Variants in CLEC16A observed in about 807,000 individuals in gnomAD.
CLEC16A encodes protein CLEC16A.
In CLEC16A, 51 loss-of-function variants were observed where a neutral mutation model predicts 109.5. The observed-to-expected ratio is 0.47, with a 90% CI of 0.37 to 0.59. CLEC16A has a LOEUF of 0.59. CLEC16A is among the 20% of genes least tolerant of loss of function. CLEC16A has a pLI of 0.00. For missense variants in CLEC16A, 1,339 were observed against 1,394.0 expected (o/e 0.96, Z 0.63); for synonymous variants, 673 against 564.2 (o/e 1.19, Z -2.73).
chr16:11,126,430 G>A (rs1396869009), intron 22 of CLEC16A: 42 of 1,395,540 alleles, frequency 3.0e-5, no homozygotes, highest in Non-Finnish European at 3.9e-5. Flanking sequence ...AAATTTCTTG[G>A]AAACATTTAA....
intron 22 of CLEC16A, among the ~76,000 whole-genome samples, chr16:11,128,674 G>A (rs531506319): frequency 2.0e-5 from 3 of 152,300 alleles, no homozygotes; most frequent in Non-Finnish European, 4.4e-5. Flanking sequence ...AAATCCCTGA[G>A]CCTTGGCATG....
At chr16:10,964,490 A>G (rs1473768998) in intron 3 of CLEC16A, among the ~76,000 whole-genome samples, 4 of 152,174 alleles carry the variant, frequency 2.6e-5, no homozygotes. Context: ...TCAAGAGGAG[A>G]GCACAGTGGC....
In CLEC16A at chr16:11,061,015, G is replaced by C; in HGVS notation, c.2109G>C (p.Leu703=). 1 of 1,606,396 alleles carries C rather than the reference G, an allele frequency of 6.2e-7. No individual in the cohort carries two copies. Among genetic ancestry groups the C allele is most frequent in the South Asian group, 1.1e-5 (1 of 90,430 alleles). Residue 703 remains leucine (L), a synonymous_variant, in exon 19 of 24, where the codon CTG becomes CTC. Transcript: ENST00000409790. The part of the protein sequence containing the change: ...EEDLIKTDDV[L]DLNNSDLIAC... ...ACCTGATCAAGACTGATGATGTCCT[G>C]GATCTGAGTGAGTTGGCTGCTCTGA...
chr16:11,118,143 A>G (rs757634823), intron 19 of CLEC16A, among the ~76,000 whole-genome samples: 28 of 151,756 alleles, frequency 1.8e-4, no homozygotes, highest in Non-Finnish European at 3.1e-4. Context: ...TTGTAGAGAC[A>G]GGGTCTCACT....
At chr16:11,135,025 C>T (rs1310234770) in intron 22 of CLEC16A, among the ~76,000 whole-genome samples, 1 of 152,238 alleles carries the variant, frequency 6.6e-6, no homozygotes, top group Admixed American at 6.5e-5. Context: ...ACCAGGCTAG[C>T]GGTGCAGGGC....
intron 16 of CLEC16A, chr16:11,044,323 T>C (rs2047515367): frequency 3.0e-6 from 1 of 332,168 alleles, no homozygotes; most frequent in East Asian, 4.7e-5. Context: ...CAGTAATACA[T>C]GGATTTGGTT....
At chr16:11,083,536 C>T (rs979437664) in intron 19 of CLEC16A, among the ~76,000 whole-genome samples, 2 of 152,330 alleles carry the variant, frequency 1.3e-5, no homozygotes, top group East Asian at 1.9e-4. Flanking sequence ...CCAGGTAGCA[C>T]GTGACCCCAG....
intron 18 of CLEC16A, among the ~76,000 whole-genome samples, chr16:11,054,315 C>T (rs1199034831): frequency 6.6e-6 from 1 of 152,244 alleles, no homozygotes; most frequent in African/African-American, 2.4e-5. Context: ...GAGCTGCTGT[C>T]TCCATCTGTC....
intron 19 of CLEC16A, among the ~76,000 whole-genome samples, chr16:11,103,359 C>T (rs1476370439): frequency 6.6e-6 from 1 of 152,180 alleles, no homozygotes; most frequent in Non-Finnish European, 1.5e-5. Flanking sequence ...GTGGGCGGAT[C>T]ACCTGAGATC....
In CLEC16A at chr16:11,027,544, A is replaced by C. The variant is rs951807214; in HGVS notation, c.1537+2623A>C. 60 of 1,557,744 alleles carry C rather than the reference A, an allele frequency of 3.9e-5. No homozygotes were observed. The South Asian group carries it at 6.2e-4, about 16-fold the overall frequency. On this transcript the variant is annotated intron_variant, in intron 13 of 23. Coordinates refer to ENST00000409790, the MANE Select transcript of CLEC16A (RefSeq NM_015226.3). ...CCTCTGACAGACAACACAGTGATTG[A>C]GGAGCACCTGGGGAAGTTTGGCATC...
At chr16:11,073,001 A>T (rs778173350) in intron 19 of CLEC16A, among the ~76,000 whole-genome samples, 1 of 152,126 alleles carries the variant, frequency 6.6e-6, no homozygotes, top group Non-Finnish European at 1.5e-5. Context: ...ATGGGGTGGG[A>T]ACTTGAATCA....
At chr16:11,136,720 A>G (rs1041550207) in intron 22 of CLEC16A, among the ~76,000 whole-genome samples, 1 of 152,208 alleles carries the variant, frequency 6.6e-6, no homozygotes, top group African/African-American at 2.4e-5. Flanking sequence ...AGATCCTGTA[A>G]TCTGCCTGAG....
chr16:11,133,519 A>C (rs2053369689), intron 22 of CLEC16A, among the ~76,000 whole-genome samples: 4 of 152,122 alleles, frequency 2.6e-5, no homozygotes, highest in Admixed American at 2.6e-4. Context: ...GCAGCTGAGT[A>C]ACTTAGGAAG....
At chr16:11,009,492 G>A (rs2045265934) in intron 11 of CLEC16A, among the ~76,000 whole-genome samples, 1 of 152,204 alleles carries the variant, frequency 6.6e-6, no homozygotes, top group South Asian at 2.1e-4. Flanking sequence ...AGCAAAATGA[G>A]TTGGAGATTT....
chr16:11,128,519 C>A (rs2052985083), intron 22 of CLEC16A, among the ~76,000 whole-genome samples: 1 of 152,200 alleles, frequency 6.6e-6, no homozygotes, highest in Non-Finnish European at 1.5e-5. Flanking sequence ...GCTGTGTCTC[C>A]CCTGACTGCC....
At chr16:10,978,939 C>T (rs958657340) in intron 8 of CLEC16A, among the ~76,000 whole-genome samples, 5 of 152,156 alleles carry the variant, frequency 3.3e-5, no homozygotes, top group African/African-American at 1.2e-4. Flanking sequence ...GGCCAGAGTG[C>T]CCTAAACCTC....
At chr16:11,085,122 G>C (rs2049939633) in intron 19 of CLEC16A, among the ~76,000 whole-genome samples, 1 of 152,210 alleles carries the variant, frequency 6.6e-6, no homozygotes, top group Non-Finnish European at 1.5e-5. Context: ...GGGTTGAAAG[G>C]CACCTCTGTG....
chr16:11,016,241 C>T (rs1227494387), intron 11 of CLEC16A, among the ~76,000 whole-genome samples: 2 of 151,960 alleles, frequency 1.3e-5, no homozygotes, highest in Non-Finnish European at 2.9e-5. Context: ...AGTTGGAGGA[C>T]ACTAGGTGCC....
Position 11,053,485 on chromosome 16 carries a change from C to T in CLEC16A, c.1995+1844C>T, listed in dbSNP as rs539154899. ...CCCTGGGGTCAAGCAATCCTCCCAC[C>T]TCAGCCTCCTGGGTAGCTGGGATTA... On this transcript the variant is annotated intron_variant, in intron 18 of 23. Transcript: ENST00000409790. Among the ~76,000 whole-genome samples the T allele has an allele frequency of 3.0e-3, 459 of 152,178 alleles. 1 individual carries two copies. The highest frequency in any genetic ancestry group is 0.01 in the African/African-American group (421 of 41,498).
Sources: allele counts gnomAD v4.1 joint callset (sites outside exome capture counted in the v4.1 genomes callset), GRCh38; gene constraint gnomAD v4.1.1; transcripts MANE v1.5; gene names NCBI Gene and HGNC (gene_info 2026-07-23, HGNC 2026-07-21).